CELF2: variants seen among roughly 807,000 people sequenced by gnomAD.
CELF2 encodes CUGBP Elav-like family member 2, also known as CUG triplet repeat RNA-binding protein 2.
In CELF2, 8 loss-of-function variants were observed where a neutral mutation model predicts 62.6. The ratio of observed to expected loss-of-function variants is 0.13; its 90% CI spans 0.07 to 0.23. CELF2 has a LOEUF of 0.23. Among genes scored for constraint, CELF2 ranks in the 10% least tolerant of loss-of-function variants. The pLI, the probability that CELF2 is intolerant of heterozygous loss-of-function variation, is 1.00. For synonymous variants in CELF2, 258 were observed against 250.0 expected, an observed-to-expected ratio of 1.03 and a Z score of -0.30; for missense variants, 333 against 671.0, an observed-to-expected ratio of 0.50 and a Z score of 5.56.
the CELF2 span, among the ~76,000 whole-genome samples, chr10:10,713,768 C>A: frequency 6.6e-6 from 1 of 152,188 alleles, no homozygotes; most frequent in African/African-American, 2.4e-5. Flanking sequence ...GGCACGGTGG[C>A]TCATGCCTGT....
At chr10:10,866,758 TA>T (rs2060400288) in intron 1 of CELF2, among the ~76,000 whole-genome samples, 1 of 150,536 alleles carries the variant, frequency 6.6e-6, no homozygotes, top group Non-Finnish European at 1.5e-5. Context: ...CCATCTTTAC[TA>T]AAAACAAAAA....
Position 11,332,743 on chromosome 10 carries a change from C to G in CELF2, c.*3690C>G, listed in dbSNP as rs2096052770. On this transcript the variant is annotated 3_prime_UTR_variant, in exon 13 of 13. Coordinates refer to ENST00000633077, the MANE Select transcript of CELF2 (RefSeq NM_001326342.2). Reference sequence around the variant, plus strand: ...TGGAAAGGACTAGCCTCTACTGATGCAAAAAAACAAAAAGCAACACAAACG... The same window carrying G: ...TGGAAAGGACTAGCCTCTACTGATGGAAAAAAACAAAAAGCAACACAAACG... 1 of 152,022 alleles carries G rather than the reference C, an allele frequency of 6.6e-6. No individual in the cohort carries two copies. The highest frequency in any genetic ancestry group is 1.5e-5 in the Non-Finnish European group (1 of 68,018). 9.4% of individuals were successfully genotyped at this position (152,022 alleles called of 1,614,324 possible).
At chr10:10,935,734 G>A (rs939198462) in intron 2 of CELF2, among the ~76,000 whole-genome samples, 5 of 152,122 alleles carry the variant, frequency 3.3e-5, no homozygotes, top group African/African-American at 1.2e-4. Context: ...TGATTTTTAG[G>A]AATTCTCATA....
At chr10:11,121,045 G>C (rs189988651) in intron 1 of CELF2, among the ~76,000 whole-genome samples, 1 of 152,094 alleles carries the variant, frequency 6.6e-6, no homozygotes, top group Non-Finnish European at 1.5e-5. Context: ...AGACCCCAAG[G>C]CATGTTCCTG....
chr10:11,301,688 C>T (rs897833680), intron 9 of CELF2, among the ~76,000 whole-genome samples: 1 of 150,404 alleles, frequency 6.6e-6, no homozygotes, highest in African/African-American at 2.5e-5. Context: ...ATCAGAGGAA[C>T]GGAGGGGTTC....
chr10:10,657,768 A>G, the CELF2 span, among the ~76,000 whole-genome samples: 1 of 152,176 alleles, frequency 6.6e-6, no homozygotes, highest in African/African-American at 2.4e-5. Context: ...TGTATTCATG[A>G]TATTTTGTTT....
chr10:10,635,772 G>T, the CELF2 span, among the ~76,000 whole-genome samples: 9 of 152,078 alleles, frequency 5.9e-5, no homozygotes, highest in African/African-American at 2.2e-4. Flanking sequence ...CCTATGAAAA[G>T]GTTTTTAGGC....
chr10:11,135,877 C>G (rs913780684), intron 1 of CELF2, among the ~76,000 whole-genome samples: 3 of 152,300 alleles, frequency 2.0e-5, no homozygotes, highest in Middle Eastern at 3.4e-3. Context: ...GGTACAGATT[C>G]TAGCATCTCA....
chr10:11,042,543 A>G (rs2062022072), intron 1 of CELF2, among the ~76,000 whole-genome samples: 2 of 152,314 alleles, frequency 1.3e-5, no homozygotes, highest in South Asian at 2.1e-4. Flanking sequence ...TGTCTTTCAC[A>G]TACCACGAAA....
At chr10:10,868,327 G>A (rs572612595) in intron 1 of CELF2, among the ~76,000 whole-genome samples, 1 of 152,204 alleles carries the variant, frequency 6.6e-6, no homozygotes, top group African/African-American at 2.4e-5. Flanking sequence ...GTTGACGCTG[G>A]CTGGGAGCTC....
chr10:10,465,621 C>G, the CELF2 span, among the ~76,000 whole-genome samples: 34 of 152,160 alleles, frequency 2.2e-4, no homozygotes, highest in African/African-American at 7.5e-4. Flanking sequence ...CAGGAGGTAT[C>G]AAGTCTCATT....
chr10:10,759,859 A>C, the CELF2 span, among the ~76,000 whole-genome samples: 1 of 145,128 alleles, frequency 6.9e-6, no homozygotes, highest in African/African-American at 2.4e-5. Context: ...AAAGACGGTG[A>C]TATTCCTATA....
chr10:10,797,693 G>A (rs2054232717), upstream of CELF2, among the ~76,000 whole-genome samples: 1 of 152,138 alleles, frequency 6.6e-6, no homozygotes, highest in Admixed American at 6.5e-5. Flanking sequence ...TTTCAAGGTC[G>A]GCTACTTCCA....
Position 11,080,673 on chromosome 10 carries a change from C to T in CELF2, c.74+62510C>T, listed in dbSNP as rs550183369. The stretch of plus-strand genomic sequence containing the variant: ...GACAGTGATTTGGATATTGAAGGGC[C>T]TTTTCATTGTGTATTGTAGAGAGAA... On this transcript the variant is annotated intron_variant, in intron 1 of 12. Coordinates refer to ENST00000633077, the MANE Select transcript of CELF2 (RefSeq NM_001326342.2). Among the ~76,000 whole-genome samples the T allele has an allele frequency of 6.7e-4, 102 of 152,324 alleles. No individual in the cohort carries two copies. The South Asian group carries it at 0.021, about 31-fold the overall frequency.
intron 1 of CELF2, among the ~76,000 whole-genome samples, chr10:11,120,212 G>A (rs753925029): frequency 5.3e-5 from 8 of 152,134 alleles, no homozygotes; most frequent in Non-Finnish European, 1.2e-4. Flanking sequence ...GCTCACAGAT[G>A]TATGCATATT....
At position 11,244,528 on chromosome 10, in the gene CELF2, G is replaced by A. The variant is rs879624343; in HGVS notation, c.355-4625G>A. 5.9e-5 allele frequency among the ~76,000 whole-genome samples: 9 copies of A among 151,868 alleles called. No individual in the cohort carries two copies. Among genetic ancestry groups the A allele is most frequent in the Non-Finnish European group, 7.4e-5 (5 of 67,960 alleles). Reference sequence around the variant, plus strand: ...AAATTAGTTGGGCGTGGTGGCGGGCGCCTGTAGTCCCAGCTACTCAGGAGG... The same window carrying A: ...AAATTAGTTGGGCGTGGTGGCGGGCACCTGTAGTCCCAGCTACTCAGGAGG... On this transcript the variant is annotated intron_variant, in intron 3 of 12. Coordinates refer to ENST00000633077, the MANE Select transcript of CELF2 (RefSeq NM_001326342.2). The surrounding 1 kb of genome is among the most constrained non-coding windows in gnomAD (Gnocchi z 4.2).
the CELF2 span, among the ~76,000 whole-genome samples, chr10:10,558,087 G>A: frequency 6.6e-6 from 1 of 151,118 alleles, no homozygotes; most frequent in Non-Finnish European, 1.5e-5. Flanking sequence ...TAGGAGTGGT[G>A]AGAGAGGGCA....
At chr10:11,188,744 A>G (rs1209935847) in intron 2 of CELF2, among the ~76,000 whole-genome samples, 2 of 151,986 alleles carry the variant, frequency 1.3e-5, no homozygotes. Context: ...GCTTTCTCTC[A>G]ACTCTCCTTG....
chr10:10,949,826 C>CAAAAA (rs35952853), intron 2 of CELF2, among the ~76,000 whole-genome samples: 3 of 82,268 alleles, frequency 3.6e-5, no homozygotes, highest in Non-Finnish European at 5.1e-5. Context: ...ACACACACAC[C>CAAAAA]AAAAAAAAAA....
Sources: gnomAD v4.1 joint callset for allele counts (sites outside exome capture counted in the v4.1 genomes callset) on GRCh38, gnomAD v4.1.1 for gene constraint, Gnocchi (gnomAD v3.1) non-coding constraint, MANE v1.5 for transcripts, NCBI Gene and HGNC (gene_info 2026-07-23, HGNC 2026-07-21) for gene names.